PAK1: variants seen among roughly 807,000 people sequenced by gnomAD.
PAK1 encodes serine/threonine-protein kinase PAK 1.
PAK1 carries 29 observed loss-of-function variants against 67.4 expected under a neutral mutation model. The ratio of observed to expected loss-of-function variants is 0.43; its 90% confidence interval spans 0.32 to 0.59. PAK1 has a LOEUF of 0.59. Ranked by LOEUF, PAK1 falls within the 20% of genes least tolerant of loss-of-function variation. The pLI is 0.07. For synonymous variants in PAK1, 223 were observed against 237.4 expected, an observed-to-expected ratio of 0.94 and a Z score of 0.56; for missense variants, 337 against 670.7, an observed-to-expected ratio of 0.50 and a Z score of 5.50.
chr11:77,414,078 T>G (rs1409425945), intron 1 of PAK1, among the ~76,000 whole-genome samples: 3 of 152,210 alleles, frequency 2.0e-5, no homozygotes, highest in African/African-American at 7.2e-5. Context: ...GCCAGGTGGC[T>G]CTCTGTAAAT....
chr11:77,495,083 A>G, the PAK1 span, among the ~76,000 whole-genome samples: 1 of 151,688 alleles, frequency 6.6e-6, no homozygotes, highest in East Asian at 1.9e-4. Context: ...AATCACTTGA[A>G]CCTGGGAGGT....
At chr11:77,508,848 G>A in the PAK1 span, among the ~76,000 whole-genome samples, 7 of 150,290 alleles carry the variant, frequency 4.7e-5, no homozygotes, top group African/African-American at 1.7e-4. Context: ...TTTTAGTAGA[G>A]ATGGGGTTTC....
At chr11:77,463,648 C>G (rs147570090) in intron 1 of PAK1, among the ~76,000 whole-genome samples, 3 of 152,228 alleles carry the variant, frequency 2.0e-5, no homozygotes, top group African/African-American at 7.2e-5. Flanking sequence ...TCTCCTCATT[C>G]TAGCACTCTA....
intron 1 of PAK1, among the ~76,000 whole-genome samples, chr11:77,408,625 T>C (rs1350076242): frequency 6.6e-6 from 1 of 151,974 alleles, no homozygotes; most frequent in African/African-American, 2.4e-5. Context: ...TTCTCATCTC[T>C]GCTTTCCCTC....
chr11:77,489,840 G>A, the PAK1 span, among the ~76,000 whole-genome samples: 1 of 152,142 alleles, frequency 6.6e-6, no homozygotes, highest in South Asian at 2.1e-4. Flanking sequence ...CTCCCAAAGT[G>A]CCGAGATTGC....
chr11:77,344,304 C>T (rs573811647), intron 9 of PAK1, among the ~76,000 whole-genome samples: 42 of 152,192 alleles, frequency 2.8e-4, no homozygotes, highest in Admixed American at 2.1e-3. Flanking sequence ...AACAGAGGCT[C>T]ATACAAAATG....
intron 1 of PAK1, among the ~76,000 whole-genome samples, chr11:77,453,787 G>C (rs1956963643): frequency 6.6e-6 from 1 of 151,982 alleles, no homozygotes; most frequent in Admixed American, 6.6e-5. Context: ...TATGATCAAA[G>C]ATCCAACACC....
At chr11:77,408,986 TGG>T (rs2137956838) in intron 1 of PAK1, among the ~76,000 whole-genome samples, 1 of 152,170 alleles carries the variant, frequency 6.6e-6, no homozygotes, top group South Asian at 2.1e-4. Context: ...AGGCAAAGGC[TGG>T]GCACGATGGC....
At chr11:77,339,513 A>T (rs1943253599) in intron 11 of PAK1, among the ~76,000 whole-genome samples, 1 of 152,144 alleles carries the variant, frequency 6.6e-6, no homozygotes, top group African/African-American at 2.4e-5. Flanking sequence ...CAGAACCCCT[A>T]AGAATCCCAG....
intron 2 of PAK1, among the ~76,000 whole-genome samples, chr11:77,388,995 G>A (rs1300282380): frequency 6.6e-6 from 1 of 152,174 alleles, no homozygotes; most frequent in African/African-American, 2.4e-5. Context: ...TATTCAGAGA[G>A]CTGGACAGGT....
intron 2 of PAK1, among the ~76,000 whole-genome samples, chr11:77,382,215 A>G (rs1256563812): frequency 6.6e-6 from 1 of 152,216 alleles, no homozygotes; most frequent in East Asian, 1.9e-4. Flanking sequence ...GGAGACCCAA[A>G]AAGAAAGTTA....
At chr11:77,459,851 C>G (rs779842217) in intron 1 of PAK1, among the ~76,000 whole-genome samples, 10 of 152,050 alleles carry the variant, frequency 6.6e-5, no homozygotes, top group Non-Finnish European at 1.0e-4. Context: ...CGCCCGCCAC[C>G]GCGCCTGGCT....
the PAK1 span, among the ~76,000 whole-genome samples, chr11:77,506,960 T>G: frequency 1.3e-5 from 2 of 152,200 alleles, no homozygotes; most frequent in Non-Finnish European, 2.9e-5. Flanking sequence ...TCCATGAAGA[T>G]AAAGATCTTC....
At chr11:77,478,807 T>G (rs1839396805), upstream of PAK1, among the ~76,000 whole-genome samples, 1 of 150,974 alleles carries the variant, frequency 6.6e-6, no homozygotes, top group Non-Finnish European at 1.5e-5. Context: ...CCAGGCGCAG[T>G]GGCTCATGCC....
chr11:77,453,735 G>C (rs1347781467), intron 1 of PAK1, among the ~76,000 whole-genome samples: 3 of 152,106 alleles, frequency 2.0e-5, no homozygotes, highest in African/African-American at 7.2e-5. Flanking sequence ...AGACTGCAGA[G>C]CAGAACCCAT....
chr11:77,422,554 C>CAAAA (rs11388442), intron 1 of PAK1, among the ~76,000 whole-genome samples: 2 of 137,214 alleles, frequency 1.5e-5, no homozygotes, highest in African/African-American at 2.6e-5. Flanking sequence ...GACACCGTCT[C>CAAAA]AAAAAAAAAA....
intron 5 of PAK1, among the ~76,000 whole-genome samples, chr11:77,359,305 C>A (rs1946459406): frequency 6.6e-6 from 1 of 152,174 alleles, no homozygotes; most frequent in Non-Finnish European, 1.5e-5. Context: ...TCTCCCCCAA[C>A]CCAACCCCTG....
In PAK1 at chr11:77,392,535, G is replaced by A; in HGVS notation, c.-15C>T. 1.3e-6 allele frequency: 2 copies of A among 1,576,060 alleles called. No individual in the cohort carries two copies. The highest frequency in any genetic ancestry group is 2.3e-5 in the South Asian group (2 of 87,140). The stretch of plus-strand genomic sequence containing the variant: ...TTATTTGACATTGTCACCACCAGCA[G>A]CAGCTACTAGAATCAGAAATAAGAA... On this transcript the variant is annotated 5_prime_UTR_variant, in exon 2 of 15. Coordinates refer to ENST00000356341, the MANE Select transcript of PAK1 (RefSeq NM_002576.5).
intron 6 of PAK1, among the ~76,000 whole-genome samples, chr11:77,356,986 G>GT (rs1481330382): frequency 2.0e-5 from 3 of 152,206 alleles, no homozygotes; most frequent in Admixed American, 2.0e-4. Context: ...ACAGTATAAG[G>GT]ACAGGGAATG....
Sources: gnomAD v4.1 joint callset for allele counts (sites outside exome capture counted in the v4.1 genomes callset) on GRCh38, gnomAD v4.1.1 for gene constraint, MANE v1.5 for transcripts, NCBI Gene and HGNC (gene_info 2026-07-23, HGNC 2026-07-21) for gene names.